Variants in LDB2 observed in about 807,000 individuals in gnomAD.
LDB2 encodes LIM domain binding 2, also known as LIM domain-binding protein 2.
Under a neutral mutation model 44.3 loss-of-function variants are expected in LDB2, and 12 were observed. The observed-to-expected ratio is 0.27, with a 90% CI of 0.17 to 0.44. LDB2 has a LOEUF of 0.44. LDB2 is among the 20% of genes least tolerant of loss of function. The pLI, the probability that LDB2 is intolerant of heterozygous loss-of-function variation, is 1.00. For missense variants in LDB2, 344 were observed against 473.5 expected, an observed-to-expected ratio of 0.73 and a Z score of 2.54; for synonymous variants, 164 against 174.8, an observed-to-expected ratio of 0.94 and a Z score of 0.49.
chr4:16,536,158 A>G (rs758293323), intron 5 of LDB2, among the ~76,000 whole-genome samples: 49 of 152,170 alleles, frequency 3.2e-4, no homozygotes, highest in Non-Finnish European at 5.6e-4. Flanking sequence ...TTTGTTTTCT[A>G]TACTGGACCA....
chr4:16,517,573 C>T (rs866357882), intron 5 of LDB2, among the ~76,000 whole-genome samples: 6 of 152,084 alleles, frequency 3.9e-5, no homozygotes, highest in Non-Finnish European at 5.9e-5. Flanking sequence ...GGGGTAGTAC[C>T]GGAGTGAAGA....
At chr4:16,584,032 G>A (rs867399873) in intron 5 of LDB2, among the ~76,000 whole-genome samples, 4 of 152,160 alleles carry the variant, frequency 2.6e-5, no homozygotes, top group Middle Eastern at 3.2e-3. Flanking sequence ...GAATCACGAC[G>A]CACAAGTCAG....
intron 2 of LDB2, among the ~76,000 whole-genome samples, chr4:16,732,858 A>G (rs1761046445): frequency 6.6e-6 from 1 of 152,176 alleles, no homozygotes; most frequent in South Asian, 2.1e-4. Context: ...TGAACACTCT[A>G]CACTTAGAAA....
intron 5 of LDB2, among the ~76,000 whole-genome samples, chr4:16,574,050 G>A (rs969459399): frequency 6.6e-6 from 1 of 152,160 alleles, no homozygotes; most frequent in Non-Finnish European, 1.5e-5. Context: ...TTTCCAAAGC[G>A]AATTGCCCAA....
chr4:16,726,959 T>C (rs1171580949), intron 2 of LDB2, among the ~76,000 whole-genome samples: 3 of 152,250 alleles, frequency 2.0e-5, no homozygotes, highest in Non-Finnish European at 2.9e-5. Flanking sequence ...GTGTGTATAA[T>C]TATTTCTTAA....
chr4:16,614,553 G>T (rs1356779689), intron 2 of LDB2, among the ~76,000 whole-genome samples: 2 of 101,190 alleles, frequency 2.0e-5, no homozygotes, highest in Non-Finnish European at 3.9e-5. Flanking sequence ...AATTTACAAG[G>T]AACTTAAACA....
At chr4:16,522,655 A>G (rs572428456) in intron 5 of LDB2, among the ~76,000 whole-genome samples, 1 of 152,324 alleles carries the variant, frequency 6.6e-6, no homozygotes, top group African/African-American at 2.4e-5. Context: ...ATAGAGAGAA[A>G]TGTAAATATA....
At chr4:16,666,243 C>G (rs1188621904) in intron 2 of LDB2, among the ~76,000 whole-genome samples, 1 of 152,160 alleles carries the variant, frequency 6.6e-6, no homozygotes, top group East Asian at 1.9e-4. Context: ...GTGCAGGTTA[C>G]AGGTGTTTTT....
chr4:16,865,795 CTCAT>C, intron 1 of LDB2, among the ~76,000 whole-genome samples: 2 of 152,300 alleles, frequency 1.3e-5, no homozygotes, highest in Middle Eastern at 3.4e-3. Context: ...AATAGAATCT[CTCAT>C]TCACCTTTCC....
At chr4:16,739,165 C>T (rs928305772) in intron 2 of LDB2, among the ~76,000 whole-genome samples, 2 of 151,966 alleles carry the variant, frequency 1.3e-5, no homozygotes, top group African/African-American at 4.8e-5. Flanking sequence ...TTTTGACCAC[C>T]CTGTCAGTTT....
chr4:16,836,800 T>A (rs182375997), intron 1 of LDB2, among the ~76,000 whole-genome samples: 2 of 152,328 alleles, frequency 1.3e-5, no homozygotes, highest in African/African-American at 4.8e-5. Context: ...TCACTGAGGC[T>A]CATAAAATTT....
intron 2 of LDB2, among the ~76,000 whole-genome samples, chr4:16,641,006 A>G (rs1189137308): frequency 2.6e-5 from 4 of 152,206 alleles, no homozygotes; most frequent in Admixed American, 2.6e-4. Flanking sequence ...GACAAACAGG[A>G]CACCAGTTCC....
chr4:16,694,853 T>C (rs1160443874), intron 2 of LDB2, among the ~76,000 whole-genome samples: 1 of 152,196 alleles, frequency 6.6e-6, no homozygotes, highest in African/African-American at 2.4e-5. Context: ...GCCAGGAGTG[T>C]AATCAACATC....
chr4:16,548,123 C>G (rs770513571), intron 5 of LDB2, among the ~76,000 whole-genome samples: 27 of 151,936 alleles, frequency 1.8e-4, no homozygotes, highest in Non-Finnish European at 3.1e-4. Context: ...TGTGCCTGGC[C>G]TCAACTTTCC....
At chr4:16,585,772 AACACAC>A in intron 5 of LDB2, 144 bp downstream of exon 5, 3 of 556,026 alleles carry the variant, frequency 5.4e-6, no homozygotes, top group Non-Finnish European at 6.5e-6. Context: ...CTCCATTGAA[AACACAC>A]ACACACACAC....
intron 5 of LDB2, among the ~76,000 whole-genome samples, chr4:16,548,884 G>C (rs1736696663): frequency 6.6e-6 from 1 of 152,186 alleles, no homozygotes; most frequent in Non-Finnish European, 1.5e-5. Context: ...TGTGATCTTA[G>C]GGAGGTAAAG....
chr4:16,760,294 TC>T (rs1767611711), intron 1 of LDB2, among the ~76,000 whole-genome samples: 1 of 152,138 alleles, frequency 6.6e-6, no homozygotes. Flanking sequence ...CCTCTCTTCT[TC>T]CCATTAAGTT....
chr4:16,637,602 A>C (rs1250012810), intron 2 of LDB2, among the ~76,000 whole-genome samples: 1 of 152,088 alleles, frequency 6.6e-6, no homozygotes, highest in Non-Finnish European at 1.5e-5. Flanking sequence ...ATATATAGTA[A>C]TTAATTGTAA....
chr4:16,630,446 A>G (rs1315524082), intron 2 of LDB2, among the ~76,000 whole-genome samples: 1 of 152,212 alleles, frequency 6.6e-6, no homozygotes, highest in Non-Finnish European at 1.5e-5. Context: ...AGCACTAAAC[A>G]TGGAAAGAAA....
Sources: allele counts gnomAD v4.1 joint callset (sites outside exome capture counted in the v4.1 genomes callset), GRCh38; gene constraint gnomAD v4.1.1; transcripts MANE v1.5; gene names NCBI Gene and HGNC (gene_info 2026-07-23, HGNC 2026-07-21).